SFRP4: variants seen among roughly 807,000 people sequenced by gnomAD.
The protein encoded by SFRP4 is secreted frizzled-related protein 4.
A neutral mutation model predicts 36.3 loss-of-function variants in SFRP4; 25 were observed. That is an observed-to-expected ratio of 0.69 (90% confidence interval 0.50 to 0.96). SFRP4 has a LOEUF of 0.96. Ranked by LOEUF, SFRP4 falls within the 40% of genes least tolerant of loss-of-function variation. The probability of loss-of-function intolerance (pLI) is 0.00; values close to 1 mark genes in which losing one functional copy is unlikely to be tolerated. For synonymous variants in SFRP4, 182 were observed against 168.8 expected (o/e 1.08, Z -0.60); for missense variants, 487 against 459.6 (o/e 1.06, Z -0.54).
intron 5 of SFRP4, among the ~76,000 whole-genome samples, chr7:37,908,689 A>T (rs1195470045): frequency 1.3e-5 from 2 of 149,836 alleles, no homozygotes; most frequent in African/African-American, 4.9e-5. Context: ...AATCTACTGT[A>T]GTCCTGGAAA....
chr7:37,915,294 C>T (rs1785555931), intron 1 of SFRP4, among the ~76,000 whole-genome samples: 1 of 152,172 alleles, frequency 6.6e-6, no homozygotes, highest in African/African-American at 2.4e-5. Flanking sequence ...TTACCCTGTT[C>T]ACTTAACCAC....
chr7:37,909,424 T>G (rs1397873265), intron 5 of SFRP4, among the ~76,000 whole-genome samples, 193 bp downstream of exon 5: 1 of 152,192 alleles, frequency 6.6e-6, no homozygotes. Flanking sequence ...TGAAGTCGAA[T>G]GATAGATTCC....
chr7:37,916,056 G>T lies in SFRP4; in HGVS notation c.445+37C>A, dbSNP rs754459577. The T allele has an allele frequency of 1.3e-6, 2 of 1,579,980 alleles. No homozygotes were observed. The highest frequency in any genetic ancestry group is 1.7e-6 in the Non-Finnish European group (2 of 1,160,322). On this transcript the variant is annotated intron_variant, in intron 1 of 5. Coordinates refer to ENST00000436072, the MANE Select transcript of SFRP4 (RefSeq NM_003014.4). This position sits in a 1 kb window ranked among gnomAD's most constrained non-coding sequence, Gnocchi z 4.1. ...TCGATTGGCAGCCACAGCCCCGGGC[G>T]CCTCCTCGCCTCCCTCCATCCTTCC...
At chr7:37,914,525 C>T (rs921472359) in intron 1 of SFRP4, 72 bp from the exon 2 acceptor site, 19 of 1,055,004 alleles carry the variant, frequency 1.8e-5, no homozygotes, top group Non-Finnish European at 6.0e-6. Context: ...ATAAAGAGCC[C>T]TCTGAAGATA....
At chr7:37,912,751 C>T (rs1001386879) in intron 3 of SFRP4, among the ~76,000 whole-genome samples, 5 of 152,172 alleles carry the variant, frequency 3.3e-5, no homozygotes, top group African/African-American at 1.2e-4. Flanking sequence ...AGTCATTAGT[C>T]ATAACATTTT....
rs756492138 is a variant in SFRP4 at position 37,914,353 on chromosome 7, T to A, written c.526+20A>T. 4 of 1,611,280 alleles carry A rather than the reference T, an allele frequency of 2.5e-6. No homozygotes were observed. The East Asian group carries it at 8.9e-5, about 36-fold the overall frequency. On this transcript the variant is annotated intron_variant, in intron 2 of 5. Coordinates refer to ENST00000436072, the MANE Select transcript of SFRP4 (RefSeq NM_003014.4). Reference sequence around the variant, plus strand: ...CTGGAGAGGAGAAGTAGAGGGAACGTCCATGAAGAAAGAACTCACCGGGGC... The same window carrying A: ...CTGGAGAGGAGAAGTAGAGGGAACGACCATGAAGAAAGAACTCACCGGGGC...
chr7:37,914,882 C>CA (rs1258667350), intron 1 of SFRP4, among the ~76,000 whole-genome samples: 2 of 152,084 alleles, frequency 1.3e-5, no homozygotes, highest in East Asian at 3.9e-4. Flanking sequence ...GAAAACAAGA[C>CA]AAAAAATATT....
At position 37,912,502 on chromosome 7, in the gene SFRP4, T is replaced by G. The variant is rs145358843; in HGVS notation, c.593-185A>C. Among the ~76,000 whole-genome samples, 29 of 152,278 alleles carry G rather than the reference T, an allele frequency of 1.9e-4. No individual in the cohort carries two copies. In the East Asian group the frequency reaches 5.4e-3, roughly 28 times the overall value. ...ATGCTAAATGGATGGTGTCCTATAT[T>G]GTCAACATTGTCTTAAATGTTCCGG... On this transcript the variant is annotated intron_variant, in intron 3 of 5. Coordinates refer to ENST00000436072, the MANE Select transcript of SFRP4 (RefSeq NM_003014.4).
chr7:37,907,893 A>G (rs893175943), intron 5 of SFRP4, among the ~76,000 whole-genome samples: 9 of 152,132 alleles, frequency 5.9e-5, no homozygotes, highest in African/African-American at 2.2e-4. Flanking sequence ...GTCCTTCCAA[A>G]TAGGCACCAC....
At chr7:37,914,181 T>C in intron 3 of SFRP4, 32 bp downstream of exon 3, 1 of 1,562,634 alleles carries the variant, frequency 6.4e-7, no homozygotes, top group Non-Finnish European at 8.8e-7. Context: ...GAACCAAGTC[T>C]CAAAAGTAAA....
In SFRP4 at chr7:37,916,358, C is replaced by T. The variant is rs750706822; in HGVS notation, c.180G>A (p.Gln60=). 5.0e-6 allele frequency: 8 copies of T among 1,614,136 alleles called. No individual in the cohort carries two copies. Among genetic ancestry groups the T allele is most frequent in the African/African-American group, 1.3e-5 (1 of 74,956 alleles). The part of the protein sequence containing the change: ...TQENAILAIE[Q]YEELVDVNCS... ...AGTTCACGTCCACCAGCTCCTCGTA[C>T]TGCTCGATGGCCAGGATGGCGTTCT... The change falls in exon 1 of 6, where the codon CAG becomes CAA. Residue 60 remains glutamine, a synonymous_variant. Coordinates refer to ENST00000436072, the MANE Select transcript of SFRP4 (RefSeq NM_003014.4). The surrounding 1 kb of genome is among the most constrained non-coding windows in gnomAD (Gnocchi z 4.1).
At position 37,914,220 on chromosome 7, in the gene SFRP4, G is replaced by GTAAGTCGTAGCA. The variant is rs1389125220; in HGVS notation, c.584_585insTGCTACGACTTA (p.Tyr195_Ser196insAlaThrThrTyr). On this transcript the variant is annotated inframe_insertion, in exon 3 of 6. Coordinates refer to ENST00000436072, the MANE Select transcript of SFRP4 (RefSeq NM_003014.4). ...CTTTAACAGACGACTTACCATAGCTGTAGTTTTTGCTGAGATACGTTGCCA... is the reference window on the plus strand; with the variant it reads ...CTTTAACAGACGACTTACCATAGCTGTAAGTCGTAGCATAGTTTTTGCTGAGATACGTTGCCA... 5.0e-6 allele frequency: 8 copies of GTAAGTCGTAGCA among 1,613,172 alleles called. No homozygotes were observed. Among genetic ancestry groups the GTAAGTCGTAGCA allele is most frequent in the Non-Finnish European group, 5.9e-6 (7 of 1,179,228 alleles).
Position 37,906,247 on chromosome 7 carries a change from A to G in SFRP4, c.*1232T>C, listed in dbSNP as rs1467162909. 2 of 152,182 alleles carry G rather than the reference A, an allele frequency of 1.3e-5. No individual in the cohort carries two copies. Among genetic ancestry groups the G allele is most frequent in the East Asian group, 3.8e-4 (2 of 5,198 alleles). 9.4% of individuals were successfully genotyped at this position (152,182 alleles called of 1,614,324 possible). A position where few individuals can be genotyped will look rare whatever the true frequency, so the allele number is the denominator to read the frequency against. ...TCTGTGTAGTGGAGAGTAGGATTAGATAGGATTTTATTTCCTTTGGGCGTT... is the reference window on the plus strand; with the variant it reads ...TCTGTGTAGTGGAGAGTAGGATTAGGTAGGATTTTATTTCCTTTGGGCGTT... On this transcript the variant is annotated 3_prime_UTR_variant, in exon 6 of 6. Transcript: ENST00000436072.
chr7:37,912,081 C>G, intron 4 of SFRP4, 38 bp downstream of exon 4: 1 of 1,485,046 alleles, frequency 6.7e-7, no homozygotes, highest in South Asian at 1.1e-5. Context: ...GTCTTCCTAA[C>G]AGTGTGCATA....
At chr7:37,909,408 C>T (rs557236325) in intron 5 of SFRP4, among the ~76,000 whole-genome samples, 1 of 152,122 alleles carries the variant, frequency 6.6e-6, no homozygotes, top group African/African-American at 2.4e-5. Flanking sequence ...ACAACTAAAT[C>T]ACCTTTGAAG....
chr7:37,908,498 A>G (rs1237019052), intron 5 of SFRP4, among the ~76,000 whole-genome samples: 1 of 152,230 alleles, frequency 6.6e-6, no homozygotes, highest in Non-Finnish European at 1.5e-5. Context: ...AGTCTATTCT[A>G]AAATAATAAA....
Position 37,914,389 on chromosome 7 carries a change from A to G in SFRP4, c.510T>C (p.Cys170=). Residue 170 remains cysteine, a synonymous_variant, in exon 2 of 6, where the codon TGT becomes TGC. Transcript: ENST00000436072. ...MVQERPLDVD[C]KRLSPDRCKC... ...AGAACTCACCGGGGCTTAGGCGTTT[A>G]CAGTCAACATCAAGAGGCCTTTCCT... The G allele has an allele frequency of 6.2e-7, 1 of 1,613,846 alleles. No homozygotes were observed.
At position 37,911,931 on chromosome 7, in the gene SFRP4, A is replaced by T. The variant is rs74804989; in HGVS notation, c.791+188T>A. 2.9e-3 allele frequency among the ~76,000 whole-genome samples: 445 copies of T among 152,310 alleles called. 13 individuals are homozygous for T. In the East Asian group the frequency reaches 0.056, roughly 19 times the overall value. On this transcript the variant is annotated intron_variant, in intron 4 of 5. Transcript: ENST00000436072. The stretch of plus-strand genomic sequence containing the variant: ...ACTCTATTCAAATACTCATATTTTG[A>T]TTTTTCCTTCATTCTATGAAGAATT...
chr7:37,916,220 G>A lies in SFRP4; in HGVS notation c.318C>T (p.Asp106=). 1 of 1,614,194 alleles carries A rather than the reference G, an allele frequency of 6.2e-7. No homozygotes were observed. The highest frequency in any genetic ancestry group is 8.5e-7 in the Non-Finnish European group (1 of 1,180,042). ...PCKSVCQRAR[D]DCEPLMKMYN... is the part of the protein sequence containing the mutation. The stretch of plus-strand genomic sequence containing the variant: ...ACATCTTCATGAGGGGCTCGCAGTC[G>A]TCGCGCGCGCGTTGGCACACCGACT... The change falls in exon 1 of 6, where the codon GAC becomes GAT. Residue 106 remains aspartate, a synonymous_variant. Coordinates refer to ENST00000436072, the MANE Select transcript of SFRP4 (RefSeq NM_003014.4). This position sits in a 1 kb window ranked among gnomAD's most constrained non-coding sequence, Gnocchi z 4.1.
Sources: allele counts gnomAD v4.1 joint callset (sites outside exome capture counted in the v4.1 genomes callset), GRCh38; gene constraint gnomAD v4.1.1; non-coding constraint Gnocchi (gnomAD v3.1); transcripts MANE v1.5; gene names NCBI Gene and HGNC (gene_info 2026-07-23, HGNC 2026-07-21).